Variants in NGEF observed in about 807,000 individuals in gnomAD.
NGEF encodes the protein ephexin-1.
A neutral mutation model predicts 80.9 loss-of-function variants in NGEF; 31 were observed. That is an observed-to-expected ratio of 0.38 (90% CI 0.29 to 0.52). The LOEUF (loss-of-function observed/expected upper bound fraction) is 0.52, where lower values mean the gene tolerates loss of function less well. Ranked by LOEUF, NGEF falls within the 20% of genes least tolerant of loss-of-function variation. The pLI, the probability that NGEF is intolerant of heterozygous loss-of-function variation, is 0.84. For missense variants in NGEF, 709 were observed against 926.2 expected (o/e 0.77, Z 3.04); for synonymous variants, 371 against 370.2 (o/e 1.00, Z -0.03).
intron 1 of NGEF, among the ~76,000 whole-genome samples, chr2:232,999,610 A>G (rs1694927601): frequency 6.6e-6 from 1 of 152,228 alleles, no homozygotes; most frequent in Non-Finnish European, 1.5e-5. Flanking sequence ...GCTGGGGACA[A>G]GGATTGCACC....
chr2:232,908,947 G>A (rs542468558), intron 5 of NGEF, among the ~76,000 whole-genome samples: 29 of 152,030 alleles, frequency 1.9e-4, no homozygotes, highest in East Asian at 3.8e-4. Flanking sequence ...AGCCACCTCC[G>A]GGAACTGCCT....
chr2:232,885,211 T>TC, intron 10 of NGEF, 69 bp downstream of exon 10: 1 of 1,418,850 alleles, frequency 7.0e-7, no homozygotes, highest in Non-Finnish European at 9.9e-7. Flanking sequence ...GGCGCGGTGA[T>TC]CTGTGCCTCT....
chr2:232,962,951 A>G (rs1242487936), intron 3 of NGEF, among the ~76,000 whole-genome samples: 2 of 151,974 alleles, frequency 1.3e-5, no homozygotes, highest in African/African-American at 4.9e-5. Flanking sequence ...AAGTCAAGCT[A>G]GTTAACGTAT....
rs1004742528 is a variant in NGEF at position 233,013,197 on chromosome 2, C to T, written c.-204G>A. ...AAATCCACAGGCGCTCCACTCTGTC[C>T]CAGAGAGCCCACAGCCAAAAACTTC... On this transcript the variant is annotated 5_prime_UTR_variant, in exon 1 of 15. Transcript: ENST00000264051. 2.3e-5 allele frequency: 11 copies of T among 471,046 alleles called. No individual in the cohort carries two copies. The highest frequency in any genetic ancestry group is 4.8e-5 in the Non-Finnish European group (11 of 227,062). The allele number at this position is 471,046 out of a possible 1,614,324, so 29.2% of individuals were successfully genotyped here.
intron 5 of NGEF, among the ~76,000 whole-genome samples, chr2:232,914,370 GTAGCCAC>G (rs1305647590): frequency 6.6e-6 from 1 of 152,202 alleles, no homozygotes; most frequent in East Asian, 1.9e-4. Flanking sequence ...CAAATGCTCG[GTAGCCAC>G]ACGGAGCTAG....
intron 1 of NGEF, among the ~76,000 whole-genome samples, chr2:232,981,624 C>A (rs558657535): frequency 6.6e-6 from 1 of 152,256 alleles, no homozygotes; most frequent in Non-Finnish European, 1.5e-5. Context: ...AGCAAGCAAA[C>A]CTCACTTCAA....
At chr2:232,955,897 T>C (rs1693816672) in intron 3 of NGEF, among the ~76,000 whole-genome samples, 1 of 152,210 alleles carries the variant, frequency 6.6e-6, no homozygotes, top group African/African-American at 2.4e-5. Flanking sequence ...AATTGGGACT[T>C]CTCTGGTGTT....
rs141238252 is a variant in NGEF at position 232,891,880 on chromosome 2, CAGGT to C, written c.1143-397_1143-394del. Among the ~76,000 whole-genome samples, 1,205 of 152,238 alleles carry C rather than the reference CAGGT, an allele frequency of 7.9e-3. 13 individuals carry two copies. Among genetic ancestry groups the C allele is most frequent in the African/African-American group, 0.028 (1,155 of 41,494 alleles). On this transcript the variant is annotated intron_variant, in intron 7 of 14. Coordinates refer to ENST00000264051, the MANE Select transcript of NGEF (RefSeq NM_019850.3). ...CCAGGACAGCCTGCACTATTTCTGA[CAGGT>C]GGGCTCAGCGGTGGGCTGGGCCACA...
At chr2:232,958,389 C>T (rs55870055) in intron 3 of NGEF, among the ~76,000 whole-genome samples, 62,023 of 152,006 alleles carry the variant, frequency 0.41, 15,105 homozygotes, top group Non-Finnish European at 0.53. Context: ...ACTTCTGGAC[C>T]AGTCTGCACA....
rs113897022 is a variant in NGEF, at chr2:232,997,570, G to A, written c.-75+15498C>T. On this transcript the variant is annotated intron_variant, in intron 1 of 14. Transcript: ENST00000264051. ...ATATCCACCGTAGATTTCTGCTCACGGCACCAGTCGACTCCCTATTCTCCC... is the reference window on the plus strand; with the variant it reads ...ATATCCACCGTAGATTTCTGCTCACAGCACCAGTCGACTCCCTATTCTCCC... Among the ~76,000 whole-genome samples the A allele has an allele frequency of 2.0e-3, 311 of 152,176 alleles. 4 individuals are homozygous for A. The South Asian group carries it at 0.025, about 12-fold the overall frequency.
At position 232,977,639 on chromosome 2, in the gene NGEF, G is replaced by A. The variant is rs531363565; in HGVS notation, c.-74-2675C>T. ...GCAGGGGTCCCGTGGGGTGGGAGTG[G>A]GGGTGGATGATGTAGGCATTCATTG... On this transcript the variant is annotated intron_variant, in intron 1 of 14. Coordinates refer to ENST00000264051, the MANE Select transcript of NGEF (RefSeq NM_019850.3). Among the ~76,000 whole-genome samples, 3 of 152,300 alleles carry A rather than the reference G, an allele frequency of 2.0e-5. No individual in the cohort carries two copies. The South Asian group carries it at 6.2e-4, about 32-fold the overall frequency.
At chr2:232,980,597 C>T (rs1214620292) in intron 1 of NGEF, among the ~76,000 whole-genome samples, 1 of 152,010 alleles carries the variant, frequency 6.6e-6, no homozygotes, top group Non-Finnish European at 1.5e-5. Context: ...CTCCTGGGTT[C>T]AAATGATTCT....
At chr2:232,932,163 CTTTTTTT>C (rs397988249) in intron 3 of NGEF, among the ~76,000 whole-genome samples, 1 of 115,590 alleles carries the variant, frequency 8.7e-6, no homozygotes, top group Non-Finnish European at 1.7e-5. Context: ...AATCACCTTT[CTTTTTTT>C]TTTTTTTTTT....
chr2:232,892,190 T>G lies in NGEF; in HGVS notation c.1143-703A>C, dbSNP rs1376064769. ...ATTCCAATTTTCCTTCACCAACTGT[T>G]AAAACATCCAAATGCCCAAAGACTC... On this transcript the variant is annotated intron_variant, in intron 7 of 14. Transcript: ENST00000264051. The surrounding 1 kb of genome is among the most constrained non-coding windows in gnomAD (Gnocchi z 4.0). Among the ~76,000 whole-genome samples, 1 of 152,020 alleles carries G rather than the reference T, an allele frequency of 6.6e-6. No individual in the cohort carries two copies. Among genetic ancestry groups the G allele is most frequent in the African/African-American group, 2.4e-5 (1 of 41,380 alleles).
At chr2:232,946,694 T>G (rs1693567471) in intron 3 of NGEF, among the ~76,000 whole-genome samples, 2 of 152,286 alleles carry the variant, frequency 1.3e-5, no homozygotes, top group South Asian at 4.1e-4. Context: ...TGATTCCATG[T>G]CTGAGATACA....
intron 1 of NGEF, among the ~76,000 whole-genome samples, chr2:233,005,337 C>T (rs1268785815): frequency 2.0e-5 from 3 of 152,210 alleles, no homozygotes; most frequent in African/African-American, 4.8e-5. Flanking sequence ...GCTGTCTCTA[C>T]ACCCCCAAAA....
At chr2:232,999,394 T>C (rs542123907) in intron 1 of NGEF, among the ~76,000 whole-genome samples, 13 of 152,174 alleles carry the variant, frequency 8.5e-5, no homozygotes, top group Non-Finnish European at 1.5e-4. Context: ...AAATGACATC[T>C]ATGCTGCATT....
intron 3 of NGEF, among the ~76,000 whole-genome samples, chr2:232,966,961 G>A (rs1694073078): frequency 6.6e-6 from 1 of 152,150 alleles, no homozygotes; most frequent in Non-Finnish European, 1.5e-5. Context: ...TGGGGCTTAA[G>A]CCACATCAGA....
At chr2:232,926,611 C>G (rs1693072760) in intron 4 of NGEF, among the ~76,000 whole-genome samples, 1 of 152,154 alleles carries the variant, frequency 6.6e-6, no homozygotes, top group African/African-American at 2.4e-5. Context: ...TTCCCAGAAC[C>G]CCCCTTCACA....
Sources: gnomAD v4.1 joint callset for allele counts (sites outside exome capture counted in the v4.1 genomes callset) on GRCh38, gnomAD v4.1.1 for gene constraint, Gnocchi (gnomAD v3.1) non-coding constraint, MANE v1.5 for transcripts, NCBI Gene and HGNC (gene_info 2026-07-23, HGNC 2026-07-21) for gene names.